The following PPA1 variants were observed in gnomAD, a reference collection of about 807,000 sequenced individuals.
PPA1 encodes inorganic pyrophosphatase.
PPA1 carries 23 observed loss-of-function variants against 41.8 expected under a neutral mutation model. The ratio of observed to expected loss-of-function variants is 0.55; its 90% confidence interval spans 0.40 to 0.78. The LOEUF (loss-of-function observed/expected upper bound fraction) is 0.78. Among genes scored for constraint, PPA1 ranks in the 30% least tolerant of loss-of-function variants. PPA1 has a pLI of 0.00. For missense variants in PPA1, 320 were observed against 361.6 expected, an observed-to-expected ratio of 0.89 and a Z score of 0.93; for synonymous variants, 101 against 116.8, an observed-to-expected ratio of 0.86 and a Z score of 0.87.
At chr10:70,209,096 G>T in intron 8 of PPA1, 109 bp downstream of exon 8, 2 of 750,484 alleles carry the variant, frequency 2.7e-6, no homozygotes. Flanking sequence ...ACCCAGCCTT[G>T]TATCTCTTTT....
chr10:70,215,470 CTTTT>C (rs1218096615), intron 4 of PPA1, among the ~76,000 whole-genome samples: 1 of 151,384 alleles, frequency 6.6e-6, no homozygotes, highest in Non-Finnish European at 1.5e-5. Flanking sequence ...TTTCTTCTTC[CTTTT>C]TTTTCTTTTT....
intron 2 of PPA1, among the ~76,000 whole-genome samples, chr10:70,220,503 T>TA (rs200232239): frequency 0.02 from 1,875 of 91,808 alleles, 395 homozygotes; most frequent in African/African-American, 0.081. Flanking sequence ...ATTATATAAT[T>TA]TTATATATAT....
intron 2 of PPA1, among the ~76,000 whole-genome samples, chr10:70,223,477 C>A (rs1048960855): frequency 2.0e-5 from 3 of 152,158 alleles, no homozygotes; most frequent in African/African-American, 7.2e-5. Context: ...GCCTATGCAT[C>A]CCTAGTAGCT....
chr10:70,210,249 A>T, intron 6 of PPA1: 1 of 569,628 alleles, frequency 1.8e-6, no homozygotes, highest in Non-Finnish European at 3.0e-6. Context: ...GCTAATTTTT[A>T]AATTTTTTGT....
chr10:70,221,028 A>ATG, intron 2 of PPA1, among the ~76,000 whole-genome samples: 1 of 68,634 alleles, frequency 1.5e-5, no homozygotes, highest in Non-Finnish European at 2.5e-5. Flanking sequence ...TATATATATA[A>ATG]TATATATATA....
At chr10:70,220,219 C>T (rs1042032610) in intron 2 of PPA1, among the ~76,000 whole-genome samples, 1 of 149,838 alleles carries the variant, frequency 6.7e-6, no homozygotes, top group African/African-American at 2.5e-5. Flanking sequence ...TGTAAGCCAC[C>T]GCACCTGGCC....
intron 6 of PPA1, 118 bp downstream of exon 6, chr10:70,213,345 T>C: frequency 8.2e-7 from 1 of 1,224,726 alleles, no homozygotes; most frequent in East Asian, 2.4e-5. Flanking sequence ...TCCAGTGCTT[T>C]GTTCCTCCAT....
intron 2 of PPA1, among the ~76,000 whole-genome samples, chr10:70,224,974 G>A (rs541164778): frequency 2.6e-5 from 4 of 152,202 alleles, no homozygotes; most frequent in Non-Finnish European, 4.4e-5. Flanking sequence ...CAGGTGATCC[G>A]CCCACCTTGG....
At chr10:70,213,371 A>C in intron 6 of PPA1, 92 bp downstream of exon 6, 1 of 1,444,972 alleles carries the variant, frequency 6.9e-7, no homozygotes, top group South Asian at 1.3e-5. Context: ...AACAGTTTGA[A>C]GGTAAGGGCT....
At chr10:70,206,229 A>AG in intron 9 of PPA1, 35 bp downstream of exon 9, 2 of 1,514,832 alleles carry the variant, frequency 1.3e-6, no homozygotes, top group Non-Finnish European at 1.8e-6. Flanking sequence ...TTTAGCAACC[A>AG]GGCTTGTTTT....
At chr10:70,206,578 G>A (rs573384717) in intron 8 of PPA1, among the ~76,000 whole-genome samples, 1 of 152,002 alleles carries the variant, frequency 6.6e-6, no homozygotes, top group African/African-American at 2.4e-5. Context: ...AGGTGTGGTG[G>A]CTCATGCCTG....
intron 5 of PPA1, among the ~76,000 whole-genome samples, chr10:70,213,975 T>C (rs1470867021): frequency 6.6e-6 from 1 of 152,204 alleles, no homozygotes; most frequent in Non-Finnish European, 1.5e-5. Flanking sequence ...AAAAACTTTA[T>C]GACTTAAAAA....
At chr10:70,223,451 C>A (rs545807127) in intron 2 of PPA1, among the ~76,000 whole-genome samples, 55 of 152,232 alleles carry the variant, frequency 3.6e-4, no homozygotes, top group South Asian at 6.2e-4. Context: ...AATTCCTAGC[C>A]TCAAGTGATC....
rs183651669 is a variant in PPA1, at chr10:70,210,762, C to T, written c.512-1077G>A. ...ATTTGTATAAGATAACATTGCTTCACTCCAATTTATTTTTTTTTTTTGAGA... is the reference window on the plus strand; with the variant it reads ...ATTTGTATAAGATAACATTGCTTCATTCCAATTTATTTTTTTTTTTTGAGA... On this transcript the variant is annotated intron_variant, in intron 6 of 10. Transcript: ENST00000373232. 4.3e-3 allele frequency among the ~76,000 whole-genome samples: 560 copies of T among 130,142 alleles called. 7 individuals carry two copies. The highest frequency in any genetic ancestry group is 0.015 in the African/African-American group (538 of 36,770). The allele number at this position is 130,142 out of a possible 152,430, so 85.4% of individuals were successfully genotyped here.
At position 70,211,736 on chromosome 10, in the gene PPA1, A is replaced by G. The variant is rs551366285; in HGVS notation, c.511+1727T>C. ...AAAGCCTTAGTAAATGAGTGCTGACAGAGTGATGGGCTTGGCTTCACTAAT... is the reference window on the plus strand; with the variant it reads ...AAAGCCTTAGTAAATGAGTGCTGACGGAGTGATGGGCTTGGCTTCACTAAT... On this transcript the variant is annotated intron_variant, in intron 6 of 10. Coordinates refer to ENST00000373232, the MANE Select transcript of PPA1 (RefSeq NM_021129.4). Among the ~76,000 whole-genome samples the G allele has an allele frequency of 2.0e-5, 3 of 152,266 alleles. No individual in the cohort carries two copies. The East Asian group carries it at 5.8e-4, about 29-fold the overall frequency.
chr10:70,220,478 A>G (rs1840126857), intron 2 of PPA1, among the ~76,000 whole-genome samples: 1 of 112,898 alleles, frequency 8.9e-6, no homozygotes, highest in Admixed American at 1.4e-4. Context: ...GCATATATAT[A>G]TAATTTTTAT....
At chr10:70,210,574 G>A (rs903146343) in intron 6 of PPA1, among the ~76,000 whole-genome samples, 1 of 152,058 alleles carries the variant, frequency 6.6e-6, no homozygotes, top group Non-Finnish European at 1.5e-5. Flanking sequence ...TTAAGTTTCT[G>A]TATAGCCATC....
At chr10:70,231,305 G>A (rs1325561029) in intron 1 of PPA1, among the ~76,000 whole-genome samples, 3 of 152,156 alleles carry the variant, frequency 2.0e-5, no homozygotes, top group Non-Finnish European at 2.9e-5. Flanking sequence ...GGTGGCTCAC[G>A]CCTGTAATCC....
intron 3 of PPA1, chr10:70,218,561 G>C (rs1014216415): frequency 1.9e-6 from 1 of 538,160 alleles, no homozygotes; most frequent in African/African-American, 1.9e-5. Context: ...GGGAAGAAAA[G>C]TTTGGGGCAT....
Sources: allele counts gnomAD v4.1 joint callset (sites outside exome capture counted in the v4.1 genomes callset), GRCh38; gene constraint gnomAD v4.1.1; transcripts MANE v1.5; gene names NCBI Gene and HGNC (gene_info 2026-07-23, HGNC 2026-07-21).